Variants in CNTN5 observed in about 807,000 individuals in gnomAD.
The protein encoded by CNTN5 is contactin-5.
Under a neutral mutation model 129.1 loss-of-function variants are expected in CNTN5, and 77 were observed. The ratio of observed to expected loss-of-function variants is 0.60; its 90% CI spans 0.50 to 0.72. The LOEUF (loss-of-function observed/expected upper bound fraction) is 0.72. CNTN5 is among the 30% of genes least tolerant of loss of function. CNTN5 has a pLI of 0.00. For missense variants in CNTN5, 1,478 were observed against 1,328.8 expected (o/e 1.11, Z -1.75); for synonymous variants, 509 against 465.6 (o/e 1.09, Z -1.20).
intron 1 of CNTN5, among the ~76,000 whole-genome samples, chr11:99,151,275 T>C (rs553483904): frequency 6.6e-6 from 1 of 152,236 alleles, no homozygotes; most frequent in African/African-American, 2.4e-5. Context: ...TGTGTGTACA[T>C]GCATTTGTGT....
chr11:99,255,807 C>T (rs1591429899), intron 1 of CNTN5, among the ~76,000 whole-genome samples: 2 of 151,514 alleles, frequency 1.3e-5, no homozygotes, highest in East Asian at 3.9e-4. Context: ...CACGCACACA[C>T]ACACACACGC....
intron 4 of CNTN5, among the ~76,000 whole-genome samples, chr11:99,820,849 A>G (rs1311179345): frequency 6.6e-6 from 1 of 152,244 alleles, no homozygotes; most frequent in African/African-American, 2.4e-5. Context: ...AAACATTCAA[A>G]GATACATCTC....
rs1591182840 is a variant in CNTN5, at chr11:100,072,881, G to A, written c.1429+1047G>A. On this transcript the variant is annotated intron_variant, in intron 12 of 24. Transcript: ENST00000524871. ...ACAGTATAATAGCACTGAATTAAAA[G>A]GCTGATTCACCCTTCACCTAGTTAG... Among the ~76,000 whole-genome samples the A allele has an allele frequency of 4.7e-5, 7 of 150,052 alleles. No homozygotes were observed. In the South Asian group the frequency reaches 1.5e-3, roughly 32 times the overall value.
chr11:100,196,411 A>C, intron 15 of CNTN5, among the ~76,000 whole-genome samples: 1 of 152,014 alleles, frequency 6.6e-6, no homozygotes, highest in Admixed American at 6.6e-5. Context: ...TTTTATACAC[A>C]GACATTAGCT....
rs1015371352 is a variant in CNTN5, at chr11:100,293,838, T to C, written c.2315-3787T>C. On this transcript the variant is annotated intron_variant, in intron 18 of 24. Transcript: ENST00000524871. ...TAAACTCTTAAGGAAATAACACTGGTTTTTCTGGGCGGGTTGGGGGATGGT... is the reference window on the plus strand; with the variant it reads ...TAAACTCTTAAGGAAATAACACTGGCTTTTCTGGGCGGGTTGGGGGATGGT... Among the ~76,000 whole-genome samples the C allele has an allele frequency of 2.6e-5, 4 of 151,554 alleles. No individual in the cohort carries two copies. In the East Asian group the frequency reaches 5.8e-4, roughly 22 times the overall value.
chr11:99,052,596 C>T (rs565881997), intron 1 of CNTN5, among the ~76,000 whole-genome samples: 13 of 151,910 alleles, frequency 8.6e-5, no homozygotes, highest in Middle Eastern at 3.4e-3. Flanking sequence ...CCTATCATTT[C>T]GTGAAACATG....
At chr11:100,164,965 T>C (rs781713717) in intron 13 of CNTN5, among the ~76,000 whole-genome samples, 13 of 151,840 alleles carry the variant, frequency 8.6e-5, no homozygotes, top group African/African-American at 3.1e-4. Context: ...TATAAATGTA[T>C]ATTTTTTACT....
chr11:99,529,970 TA>T (rs1947633392), intron 2 of CNTN5, among the ~76,000 whole-genome samples: 2 of 152,300 alleles, frequency 1.3e-5, no homozygotes, highest in South Asian at 4.1e-4. Context: ...CAAAAATACT[TA>T]AAAATATTTT....
At chr11:100,027,040 A>G (rs1941456940) in intron 9 of CNTN5, among the ~76,000 whole-genome samples, 1 of 152,042 alleles carries the variant, frequency 6.6e-6, no homozygotes, top group Non-Finnish European at 1.5e-5. Flanking sequence ...TCTCTTCCAT[A>G]GTTGTACTTA....
At chr11:99,915,746 G>A (rs1213341968) in intron 6 of CNTN5, among the ~76,000 whole-genome samples, 4 of 152,042 alleles carry the variant, frequency 2.6e-5, no homozygotes, top group East Asian at 1.9e-4. Flanking sequence ...ATATCACTAC[G>A]TAGGAAATAT....
intron 3 of CNTN5, among the ~76,000 whole-genome samples, chr11:99,692,393 G>GT (rs1181477302): frequency 6.6e-6 from 1 of 152,082 alleles, no homozygotes; most frequent in African/African-American, 2.4e-5. Context: ...TCTTTTCCGT[G>GT]TTTAGTGCTT....
intron 13 of CNTN5, among the ~76,000 whole-genome samples, chr11:100,113,082 G>A (rs1945708225): frequency 1.3e-5 from 2 of 151,834 alleles, no homozygotes. Flanking sequence ...CTTTCATTAT[G>A]GAAGTCAAAT....
intron 3 of CNTN5, among the ~76,000 whole-genome samples, chr11:99,792,561 G>T (rs1417628425): frequency 8.3e-6 from 1 of 120,274 alleles, no homozygotes; most frequent in South Asian, 3.1e-4. Context: ...GTGTGTGTGT[G>T]TGTGTGTGTG....
intron 1 of CNTN5, among the ~76,000 whole-genome samples, chr11:99,241,318 G>GTTGTTTTT (rs1861542488): frequency 1.1e-5 from 1 of 88,046 alleles, no homozygotes; most frequent in African/African-American, 4.4e-5. Flanking sequence ...TTGATTGTTG[G>GTTGTTTTT]TTTTTTTTTT....
chr11:100,345,159 T>C (rs968332491), intron 23 of CNTN5, among the ~76,000 whole-genome samples: 1 of 152,182 alleles, frequency 6.6e-6, no homozygotes, highest in Non-Finnish European at 1.5e-5. Context: ...CTCTCAGTTC[T>C]GAAGGCTGAG....
chr11:99,376,207 C>A (rs1032380076), intron 2 of CNTN5, among the ~76,000 whole-genome samples: 4 of 152,084 alleles, frequency 2.6e-5, no homozygotes, highest in Non-Finnish European at 4.4e-5. Flanking sequence ...ACCTTTTGTT[C>A]CAGGGACCCA....
chr11:99,489,523 C>G (rs1016388033), intron 2 of CNTN5, among the ~76,000 whole-genome samples: 2 of 152,104 alleles, frequency 1.3e-5, no homozygotes, highest in Non-Finnish European at 2.9e-5. Context: ...TTTAAGGAAT[C>G]TCAGCATTGC....
At chr11:99,461,800 C>G (rs992824286) in intron 2 of CNTN5, among the ~76,000 whole-genome samples, 7 of 151,896 alleles carry the variant, frequency 4.6e-5, no homozygotes, top group Non-Finnish European at 1.0e-4. Context: ...AATGTGCTAC[C>G]CTCTTTAAAA....
At chr11:99,722,566 C>T (rs1461788002) in intron 3 of CNTN5, among the ~76,000 whole-genome samples, 1 of 152,002 alleles carries the variant, frequency 6.6e-6, no homozygotes, top group Non-Finnish European at 1.5e-5. Flanking sequence ...ATATCTACAA[C>T]AAATCCCTGT....
Sources: allele counts gnomAD v4.1 joint callset (sites outside exome capture counted in the v4.1 genomes callset), GRCh38; gene constraint gnomAD v4.1.1; transcripts MANE v1.5; gene names NCBI Gene and HGNC (gene_info 2026-07-23, HGNC 2026-07-21).